EFCAB6: variants seen among roughly 807,000 people sequenced by gnomAD.
EFCAB6 encodes EF-hand calcium-binding domain-containing protein 6.
A neutral mutation model predicts 169.8 loss-of-function variants in EFCAB6; 156 were observed. That is an observed-to-expected ratio of 0.92 (90% CI 0.81 to 1.05). The LOEUF is 1.05. EFCAB6 is among the 50% of genes least tolerant of loss of function. EFCAB6 has a pLI of 0.00. For missense variants in EFCAB6, 1,800 were observed against 1,829.1 expected, an observed-to-expected ratio of 0.98 and a Z score of 0.29; for synonymous variants, 698 against 676.4, an observed-to-expected ratio of 1.03 and a Z score of -0.50.
chr22:43,787,889 T>C (rs2062138665), intron 2 of EFCAB6, among the ~76,000 whole-genome samples: 1 of 152,228 alleles, frequency 6.6e-6, no homozygotes, highest in African/African-American at 2.4e-5. Context: ...AGTGTGGTTC[T>C]GGCATAAGTA....
intron 7 of EFCAB6, among the ~76,000 whole-genome samples, chr22:43,734,265 A>G (rs1252728540): frequency 8.5e-5 from 13 of 152,246 alleles, no homozygotes; most frequent in Non-Finnish European, 1.2e-4. Context: ...TTCTCCAGGA[A>G]AGAGTATATT....
intron 26 of EFCAB6, among the ~76,000 whole-genome samples, 197 bp from the exon 27 acceptor site, chr22:43,555,293 C>T (rs2048638973): frequency 1.3e-5 from 2 of 152,186 alleles, no homozygotes; most frequent in African/African-American, 2.4e-5. Context: ...GCCTGGGTTT[C>T]CTGCCATGAA....
rs190127150 is a variant in EFCAB6 at position 43,675,762 on chromosome 22, A to C, written c.1419+2234T>G. Among the ~76,000 whole-genome samples, 733 of 148,506 alleles carry C rather than the reference A, an allele frequency of 4.9e-3. 8 individuals carry two copies. The highest frequency in any genetic ancestry group is 0.017 in the African/African-American group (695 of 40,728). On this transcript the variant is annotated intron_variant, in intron 13 of 31. Coordinates refer to ENST00000262726, the MANE Select transcript of EFCAB6 (RefSeq NM_022785.4). ...TTAATGTAATTGTAAAAATATAATA[A>C]TATGTAATGTATGATGTAATTATAT...
In EFCAB6 at chr22:43,626,452, G is replaced by A; in HGVS notation, c.2460C>T (p.Leu820=). 1.2e-6 allele frequency: 2 copies of A among 1,614,020 alleles called. No homozygotes were observed. The highest frequency in any genetic ancestry group is 2.2e-5 in the South Asian group (2 of 91,050). ...GACCCGTGCTGCCTTCTTACCTAATGAGTCTTTGAGGCGCTTCATCTGTTC... is the reference window on the plus strand; with the variant it reads ...GACCCGTGCTGCCTTCTTACCTAATAAGTCTTTGAGGCGCTTCATCTGTTC... ...PWRTDEAPQR[L]IRPKQKVADS... The change falls in exon 20 of 32, where the codon CTC becomes CTT. Residue 820 remains leucine, a synonymous_variant. Coordinates refer to ENST00000262726, the MANE Select transcript of EFCAB6 (RefSeq NM_022785.4).
chr22:43,758,466 T>C (rs939769857), intron 5 of EFCAB6, among the ~76,000 whole-genome samples: 1 of 152,234 alleles, frequency 6.6e-6, no homozygotes, highest in African/African-American at 2.4e-5. Flanking sequence ...TTTCAACATA[T>C]AAAATTAATA....
chr22:43,600,151 T>TG lies in EFCAB6; in HGVS notation c.2793dup (p.Met932HisfsTer30), dbSNP rs1440632508. 5.6e-6 allele frequency: 9 copies of TG among 1,613,980 alleles called. No homozygotes were observed. The highest frequency in any genetic ancestry group is 7.6e-6 in the Non-Finnish European group (9 of 1,180,022). ...TGCTGTGGCTTTGTAAAATGACCCA[T>TG]GAAGTTGAAATAATCCTCTGCACAG... On this transcript the variant is annotated frameshift_variant, in exon 23 of 32. Coordinates refer to ENST00000262726, the MANE Select transcript of EFCAB6 (RefSeq NM_022785.4). LOFTEE classifies it high-confidence loss of function.
At chr22:43,615,999 C>T (rs748774450) in intron 20 of EFCAB6, 77 bp from the exon 21 acceptor site, 43 of 1,239,326 alleles carry the variant, frequency 3.5e-5, no homozygotes, top group Non-Finnish European at 4.1e-5. Flanking sequence ...TTTCCCTATC[C>T]CCCCTGTTTG....
intron 23 of EFCAB6, among the ~76,000 whole-genome samples, chr22:43,597,421 A>G (rs758316530): frequency 6.6e-6 from 1 of 152,240 alleles, no homozygotes; most frequent in Non-Finnish European, 1.5e-5. Context: ...AACCTGATTC[A>G]AAAATGGCCA....
intron 6 of EFCAB6, among the ~76,000 whole-genome samples, chr22:43,753,120 G>A (rs1042121817): frequency 2.3e-4 from 35 of 152,090 alleles, no homozygotes; most frequent in Admixed American, 1.2e-3. Context: ...GCACCCCACC[G>A]CCCCCAGCAG....
chr22:43,674,313 A>G (rs1255074073), intron 13 of EFCAB6, among the ~76,000 whole-genome samples: 3 of 152,146 alleles, frequency 2.0e-5, no homozygotes, highest in Admixed American at 2.0e-4. Context: ...AGTGTGGCTG[A>G]CACTGCCTAT....
intron 17 of EFCAB6, among the ~76,000 whole-genome samples, chr22:43,657,944 T>C (rs1183035175): frequency 6.6e-6 from 1 of 152,074 alleles, no homozygotes; most frequent in Non-Finnish European, 1.5e-5. Flanking sequence ...CAAAGGCATC[T>C]AAGGCCAGGT....
At chr22:43,567,082 C>A (rs2049489101) in intron 26 of EFCAB6, among the ~76,000 whole-genome samples, 1 of 152,118 alleles carries the variant, frequency 6.6e-6, no homozygotes, top group Non-Finnish European at 1.5e-5. Flanking sequence ...TTCTGCCCAT[C>A]CTTCCCCCAC....
At chr22:43,663,913 T>C (rs2057123061) in intron 17 of EFCAB6, among the ~76,000 whole-genome samples, 1 of 152,218 alleles carries the variant, frequency 6.6e-6, no homozygotes, top group South Asian at 2.1e-4. Context: ...TTCCATTATC[T>C]GCAAGCCACC....
At chr22:43,705,007 T>C (rs931959372) in intron 10 of EFCAB6, among the ~76,000 whole-genome samples, 10 of 152,020 alleles carry the variant, frequency 6.6e-5, no homozygotes, top group Admixed American at 6.6e-4. Context: ...TTTAAGGACA[T>C]ACATAGACTG....
intron 8 of EFCAB6, among the ~76,000 whole-genome samples, chr22:43,731,250 G>T (rs1024416101): frequency 4.6e-5 from 7 of 152,142 alleles, no homozygotes; most frequent in African/African-American, 7.2e-5. Context: ...GGCTTTGCTT[G>T]TCTAACATAA....
intron 17 of EFCAB6, among the ~76,000 whole-genome samples, chr22:43,642,138 TC>T (rs1277697621): frequency 5.3e-5 from 8 of 151,998 alleles, no homozygotes; most frequent in Non-Finnish European, 2.9e-5. Context: ...ATGGAGTTTC[TC>T]CATGTTGGTC....
At chr22:43,644,414 T>C (rs1275224700) in intron 17 of EFCAB6, among the ~76,000 whole-genome samples, 1 of 152,208 alleles carries the variant, frequency 6.6e-6, no homozygotes, top group Non-Finnish European at 1.5e-5. Context: ...CTGTTTACTT[T>C]GGTAAAATGC....
intron 27 of EFCAB6, among the ~76,000 whole-genome samples, chr22:43,544,767 G>A (rs759914301): frequency 6.6e-6 from 1 of 151,970 alleles, no homozygotes; most frequent in Non-Finnish European, 1.5e-5. Flanking sequence ...CCTGCAATCT[G>A]CAACTAAGAA....
Position 43,668,993 on chromosome 22 carries a change from G to C in EFCAB6, c.1693C>G (p.Leu565Val), listed in dbSNP as rs769629728. The part of the protein sequence containing the change: ...IGSGRILYKK[L>V]LACIGIDGPP... ...CCATCAATTCCTATGCATGCCAAAA[G>C]TTTCTTGTAAAGGATTCTTCCTGAA... Residue 565 changes from leucine (L) to valine (V), a missense_variant, in exon 16 of 32, where the codon CTT (leucine) becomes GTT (valine). Physicochemically the swap from Leu to Val is conservative, Grantham distance 32. Coordinates refer to ENST00000262726, the MANE Select transcript of EFCAB6 (RefSeq NM_022785.4). 6.2e-7 allele frequency: 1 copy of C among 1,612,172 alleles called. No individual in the cohort carries two copies. The highest frequency in any genetic ancestry group is 8.5e-7 in the Non-Finnish European group (1 of 1,179,122).
Sources: gnomAD v4.1 joint callset for allele counts (sites outside exome capture counted in the v4.1 genomes callset) on GRCh38, gnomAD v4.1.1 for gene constraint, MANE v1.5 for transcripts, NCBI Gene and HGNC (gene_info 2026-07-23, HGNC 2026-07-21) for gene names.